PARVA: variants seen among roughly 807,000 people sequenced by gnomAD.
PARVA encodes parvin alpha.
A neutral mutation model predicts 52.6 loss-of-function variants in PARVA; 25 were observed. That is an observed-to-expected ratio of 0.48 (90% CI 0.35 to 0.66). PARVA has a LOEUF of 0.66. Among genes scored for constraint, PARVA ranks in the 30% least tolerant of loss-of-function variants. The pLI, the probability that PARVA is intolerant of heterozygous loss-of-function variation, is 0.01. For missense variants in PARVA, 373 were observed against 450.9 expected (o/e 0.83, Z 1.56); for synonymous variants, 185 against 179.1 (o/e 1.03, Z -0.26).
At chr11:12,510,496 A>G (rs1941490830) in intron 7 of PARVA, among the ~76,000 whole-genome samples, 1 of 152,224 alleles carries the variant, frequency 6.6e-6, no homozygotes, top group South Asian at 2.1e-4. Context: ...AGAAAGGTTC[A>G]TTAGCTTGCC....
chr11:12,434,923 A>G (rs1940366431), intron 1 of PARVA, among the ~76,000 whole-genome samples: 1 of 152,110 alleles, frequency 6.6e-6, no homozygotes, highest in South Asian at 2.1e-4. Flanking sequence ...CCAGCTTCTA[A>G]CATAACCCCA....
chr11:12,391,396 T>C (rs1939656339), intron 1 of PARVA, among the ~76,000 whole-genome samples: 1 of 152,188 alleles, frequency 6.6e-6, no homozygotes, highest in Non-Finnish European at 1.5e-5. Flanking sequence ...TCAGATGATA[T>C]GGCATCAATT....
Position 12,377,679 on chromosome 11 carries a change from T to A in PARVA, c.32T>A (p.Val11Asp). The change falls in exon 1 of 13, where the codon GTC (valine) becomes GAC (aspartate). Residue 11 changes from valine to aspartate, a missense_variant. Coordinates refer to ENST00000334956, the MANE Select transcript of PARVA (RefSeq NM_018222.5). ...ACCTCCCCGCAGAAGTCGCCTTCTGTCCCCAAGTCTCCCACTCCCAAGTCG... is the reference window on the plus strand; with the variant it reads ...ACCTCCCCGCAGAAGTCGCCTTCTGACCCCAAGTCTCCCACTCCCAAGTCG... MATSPQKSPSVPKSPTPKSPP... is the reference protein window; with the variant it reads MATSPQKSPSDPKSPTPKSPP... 1 of 1,568,488 alleles carries A rather than the reference T, an allele frequency of 6.4e-7. No homozygotes were observed. The highest frequency in any genetic ancestry group is 1.2e-5 in the South Asian group (1 of 86,056).
intron 1 of PARVA, 29 bp downstream of exon 1, chr11:12,377,812 C>G (rs939707941): frequency 6.8e-7 from 1 of 1,464,034 alleles, no homozygotes. Flanking sequence ...GCCGGGCGGG[C>G]GGTAGGAGCC....
intron 1 of PARVA, among the ~76,000 whole-genome samples, chr11:12,417,648 A>T (rs1324665604): frequency 1.3e-5 from 2 of 152,202 alleles, no homozygotes; most frequent in Admixed American, 1.3e-4. Flanking sequence ...AGACTGAAAA[A>T]TGCAAGAGGA....
At chr11:12,402,674 C>G (rs774544019) in intron 1 of PARVA, among the ~76,000 whole-genome samples, 3 of 152,100 alleles carry the variant, frequency 2.0e-5, no homozygotes, top group Non-Finnish European at 2.9e-5. Flanking sequence ...AATGTCTGAC[C>G]CATAGTAGGC....
At chr11:12,376,710 GAGC>G (rs1449034510), upstream of PARVA, 3 of 984,200 alleles carry the variant, frequency 3.0e-6, no homozygotes, top group Non-Finnish European at 3.6e-6. Flanking sequence ...GAAGGACAAA[GAGC>G]CAGAGTGAGA....
intron 6 of PARVA, among the ~76,000 whole-genome samples, chr11:12,505,539 A>G (rs1941422731): frequency 1.3e-5 from 2 of 152,226 alleles, no homozygotes; most frequent in African/African-American, 2.4e-5. Context: ...CAGGAATATG[A>G]CACCTCGGCC....
At chr11:12,421,519 T>G (rs891298204) in intron 1 of PARVA, among the ~76,000 whole-genome samples, 1 of 152,214 alleles carries the variant, frequency 6.6e-6, no homozygotes, top group Non-Finnish European at 1.5e-5. Flanking sequence ...GAGTACAGTT[T>G]TGCTGAAGTG....
chr11:12,513,537 G>A (rs1348985238), intron 9 of PARVA, 177 bp downstream of exon 9: 2 of 722,094 alleles, frequency 2.8e-6, no homozygotes, highest in Admixed American at 2.0e-5. Flanking sequence ...ACTGGATGTT[G>A]CACCTGGGCC....
intron 1 of PARVA, among the ~76,000 whole-genome samples, chr11:12,468,021 G>A (rs1940878517): frequency 6.6e-6 from 1 of 152,136 alleles, no homozygotes. Flanking sequence ...TACACAAGAT[G>A]TGCCTTTTGT....
chr11:12,446,193 A>G (rs970851471), intron 1 of PARVA, among the ~76,000 whole-genome samples: 2 of 152,246 alleles, frequency 1.3e-5, no homozygotes, highest in African/African-American at 4.8e-5. Flanking sequence ...AAAATCTGAG[A>G]GGTCCCAATC....
chr11:12,523,363 C>T (rs1054822233), intron 12 of PARVA, among the ~76,000 whole-genome samples: 1 of 152,158 alleles, frequency 6.6e-6, no homozygotes. Flanking sequence ...AGCCCTGAGC[C>T]AGCAGGGGCC....
intron 1 of PARVA, among the ~76,000 whole-genome samples, chr11:12,461,139 CTCTGGAA>C (rs1239348006): frequency 6.6e-6 from 1 of 152,212 alleles, no homozygotes; most frequent in Non-Finnish European, 1.5e-5. Context: ...AACCAACTAG[CTCTGGAA>C]GGCAGGTCCT....
chr11:12,381,261 TC>T (rs1328584775), intron 1 of PARVA, among the ~76,000 whole-genome samples: 1 of 152,222 alleles, frequency 6.6e-6, no homozygotes, highest in African/African-American at 2.4e-5. Context: ...TAAGGCCGGA[TC>T]TTGCTCTGCA....
chr11:12,521,868 C>T (rs1941640623), intron 12 of PARVA, among the ~76,000 whole-genome samples: 1 of 152,132 alleles, frequency 6.6e-6, no homozygotes, highest in South Asian at 2.1e-4. Context: ...CTTATGGCCA[C>T]CTAACTTATT....
At chr11:12,418,392 C>T (rs1057155070) in intron 1 of PARVA, among the ~76,000 whole-genome samples, 33 of 152,274 alleles carry the variant, frequency 2.2e-4, no homozygotes, top group Admixed American at 1.2e-3. Flanking sequence ...GTAGTGGTGA[C>T]CTCTGGATCC....
At chr11:12,455,344 GATAA>G (rs1207754156) in intron 1 of PARVA, among the ~76,000 whole-genome samples, 2 of 152,142 alleles carry the variant, frequency 1.3e-5, no homozygotes, top group Non-Finnish European at 2.9e-5. Flanking sequence ...AGAAAAACAG[GATAA>G]ATGTTAGATT....
chr11:12,488,994 G>A (rs1311044650), intron 4 of PARVA, among the ~76,000 whole-genome samples: 1 of 152,032 alleles, frequency 6.6e-6, no homozygotes, highest in Non-Finnish European at 1.5e-5. Flanking sequence ...ACAATAATCT[G>A]TAGATTCATC....
Sources: allele counts gnomAD v4.1 joint callset (sites outside exome capture counted in the v4.1 genomes callset), GRCh38; gene constraint gnomAD v4.1.1; transcripts MANE v1.5; gene names NCBI Gene and HGNC (gene_info 2026-07-23, HGNC 2026-07-21).